The following CRADD variants were observed in gnomAD, a reference collection of about 807,000 sequenced individuals.
The protein encoded by CRADD is death domain-containing protein CRADD.
A neutral mutation model predicts 15.5 loss-of-function variants in CRADD; 9 were observed. That is an observed-to-expected ratio of 0.58 (90% confidence interval 0.35 to 1.01). The LOEUF is 1.01. Ranked by LOEUF, CRADD falls within the 50% of genes least tolerant of loss-of-function variation. CRADD has a pLI of 0.02. For missense variants in CRADD, 227 were observed against 250.3 expected, an observed-to-expected ratio of 0.91 and a Z score of 0.63; for synonymous variants, 118 against 107.6, an observed-to-expected ratio of 1.10 and a Z score of -0.60.
intron 2 of CRADD, chr12:93,815,112 A>G (rs1957679367): frequency 6.6e-6 from 1 of 152,218 alleles, no homozygotes; most frequent in Non-Finnish European, 1.5e-5. Context: ...CAAAGCGACC[A>G]CCTGGCCCAT....
chr12:93,813,250 C>T (rs964188114), intron 2 of CRADD, among the ~76,000 whole-genome samples: 3 of 152,180 alleles, frequency 2.0e-5, no homozygotes, highest in African/African-American at 7.2e-5. Context: ...ACTCCCAAAA[C>T]ATCCAAATTC....
intron 2 of CRADD, among the ~76,000 whole-genome samples, 154 bp from the exon 3 acceptor site, chr12:93,849,816 C>T (rs533078317): frequency 2.0e-5 from 3 of 151,886 alleles, no homozygotes; most frequent in Admixed American, 6.5e-5. Flanking sequence ...TGAATCATGG[C>T]GTTGTACAGA....
exon 3 of CRADD, chr12:93,894,271 T>TGGGGGGGG: frequency 2.3e-6 from 1 of 436,246 alleles, no homozygotes; most frequent in Non-Finnish European, 4.3e-6. Flanking sequence ...TGTGTGTGGG[T>TGGGGGGGG]GGGCGGGGGG....
chr12:93,743,837 G>A (rs1321521187), intron 2 of CRADD, among the ~76,000 whole-genome samples: 1 of 151,888 alleles, frequency 6.6e-6, no homozygotes, highest in East Asian at 1.9e-4. Flanking sequence ...TGTTATGTTA[G>A]CAACATTTTT....
At chr12:93,717,462 G>T (rs1956182056) in intron 2 of CRADD, among the ~76,000 whole-genome samples, 1 of 152,084 alleles carries the variant, frequency 6.6e-6, no homozygotes, top group African/African-American at 2.4e-5. Flanking sequence ...TAATAACCTA[G>T]ATTTTCTCCT....
At chr12:93,720,917 T>C (rs573076449) in intron 2 of CRADD, among the ~76,000 whole-genome samples, 1 of 152,334 alleles carries the variant, frequency 6.6e-6, no homozygotes, top group Admixed American at 6.5e-5. Flanking sequence ...GAGGTGATTG[T>C]TAGTTGGGTA....
chr12:93,804,904 A>G, intron 2 of CRADD, among the ~76,000 whole-genome samples: 1 of 152,152 alleles, frequency 6.6e-6, no homozygotes, highest in Non-Finnish European at 1.5e-5. Flanking sequence ...TTAACTTCCC[A>G]GAACTCTGAC....
At chr12:93,689,712 G>A (rs1457219447) in intron 2 of CRADD, among the ~76,000 whole-genome samples, 1 of 152,176 alleles carries the variant, frequency 6.6e-6, no homozygotes, top group Non-Finnish European at 1.5e-5. Context: ...TGTACTAAGT[G>A]ACAAATGAGA....
chr12:93,721,169 G>T (rs936155953), intron 2 of CRADD, among the ~76,000 whole-genome samples: 1 of 152,116 alleles, frequency 6.6e-6, no homozygotes, highest in Non-Finnish European at 1.5e-5. Context: ...GGCTCAAACA[G>T]TCTTCCCATC....
intron 2 of CRADD, among the ~76,000 whole-genome samples, chr12:93,802,476 C>T (rs1957486998): frequency 7.1e-6 from 1 of 140,802 alleles, no homozygotes; most frequent in Non-Finnish European, 1.5e-5. Flanking sequence ...ATCAGTGATG[C>T]AGCAGCCAGG....
intron 2 of CRADD, among the ~76,000 whole-genome samples, chr12:93,821,739 G>A (rs1957771476): frequency 6.6e-6 from 1 of 152,204 alleles, no homozygotes; most frequent in Non-Finnish European, 1.5e-5. Context: ...CAGCTTTTGA[G>A]AGGGGCACAG....
At chr12:93,847,116 G>GT (rs1265589507) in intron 2 of CRADD, among the ~76,000 whole-genome samples, 1 of 151,956 alleles carries the variant, frequency 6.6e-6, no homozygotes, top group East Asian at 1.9e-4. Context: ...AAAAAAGAAG[G>GT]TTATGCCACA....
At chr12:93,775,862 T>C (rs1957135059) in intron 2 of CRADD, among the ~76,000 whole-genome samples, 1 of 152,202 alleles carries the variant, frequency 6.6e-6, no homozygotes, top group African/African-American at 2.4e-5. Flanking sequence ...TGATTCACAG[T>C]AGGGTTTCAG....
At chr12:93,814,071 G>A (rs1180127671) in intron 2 of CRADD, among the ~76,000 whole-genome samples, 1 of 151,978 alleles carries the variant, frequency 6.6e-6, no homozygotes, top group Non-Finnish European at 1.5e-5. Flanking sequence ...GCCATGAGAG[G>A]TTTCTCAGCT....
intron 2 of CRADD, among the ~76,000 whole-genome samples, chr12:93,771,338 C>CA (rs1284284755): frequency 6.6e-6 from 1 of 152,326 alleles, no homozygotes; most frequent in African/African-American, 2.4e-5. Context: ...GAGAATAACT[C>CA]ACTGTATTTT....
At position 93,724,994 on chromosome 12, in the gene CRADD, G is replaced by T. The variant is rs1051428441; in HGVS notation, c.298+45922G>T. 3.9e-5 allele frequency among the ~76,000 whole-genome samples: 6 copies of T among 152,172 alleles called. No individual in the cohort carries two copies. The East Asian group carries it at 9.6e-4, about 24-fold the overall frequency. On this transcript the variant is annotated intron_variant, in intron 2 of 2. Transcript: ENST00000332896. ...TCCTGCCTCAGCCTCGCAAGTAGCTGGGACTTCAGGCACCCGCCACCACGC... is the reference window on the plus strand; with the variant it reads ...TCCTGCCTCAGCCTCGCAAGTAGCTTGGACTTCAGGCACCCGCCACCACGC...
chr12:93,840,670 G>A (rs1327710234), intron 2 of CRADD, among the ~76,000 whole-genome samples: 11 of 151,834 alleles, frequency 7.2e-5, no homozygotes, highest in Non-Finnish European at 8.8e-5. Flanking sequence ...GGGTCCAAGC[G>A]ATTCTCCAGC....
rs1169210287 is a variant in CRADD at position 93,696,845 on chromosome 12, AGGT to A, written c.298+17774_298+17776del. On this transcript the variant is annotated intron_variant, in intron 2 of 2. Coordinates refer to ENST00000332896, the MANE Select transcript of CRADD (RefSeq NM_003805.5). ...ATTTACATAGCACTTACCTTGTATT[AGGT>A]ATTATAAGTAATCTAGAGATTATTT... 3.9e-5 allele frequency among the ~76,000 whole-genome samples: 6 copies of A among 152,250 alleles called. No homozygotes were observed. The East Asian group carries it at 1.2e-3, about 29-fold the overall frequency.
At chr12:93,838,395 C>G (rs1419079831) in intron 2 of CRADD, among the ~76,000 whole-genome samples, 2 of 151,730 alleles carry the variant, frequency 1.3e-5, no homozygotes, top group African/African-American at 2.4e-5. Flanking sequence ...CACTCCACCA[C>G]TCTACTCACT....
Sources: gnomAD v4.1 joint callset for allele counts (sites outside exome capture counted in the v4.1 genomes callset) on GRCh38, gnomAD v4.1.1 for gene constraint, MANE v1.5 for transcripts, NCBI Gene and HGNC (gene_info 2026-07-23, HGNC 2026-07-21) for gene names.